MYOM3: variants seen among roughly 807,000 people sequenced by gnomAD.
MYOM3 encodes myomesin-3.
Under a neutral mutation model 191.7 loss-of-function variants are expected in MYOM3, and 155 were observed. That is an observed-to-expected ratio of 0.81 (90% CI 0.71 to 0.92). The LOEUF is 0.92. Ranked by LOEUF, MYOM3 falls within the 40% of genes least tolerant of loss-of-function variation. The pLI is 0.00. For missense variants in MYOM3, 1,889 were observed against 1,890.6 expected, an observed-to-expected ratio of 1.00 and a Z score of 0.02; for synonymous variants, 757 against 762.9, an observed-to-expected ratio of 0.99 and a Z score of 0.13.
Position 24,092,256 on chromosome 1 carries a change from C to T in MYOM3, c.1150G>A (p.Val384Met), listed in dbSNP as rs1448807976. Residue 384 changes from valine (V) to methionine (M), a missense_variant, in exon 11 of 37, where the codon GTG becomes ATG. Coordinates refer to ENST00000374434, the MANE Select transcript of MYOM3 (RefSeq NM_152372.4). ...GTCAGGATGAGGCAGTCTCTGTTCA[C>T]ATCCAGGCATCGGACGTTCAGTGGG... ...GSPLNVRCLD[V>M]NRDCLILTWA... 4 of 1,407,964 alleles carry T rather than the reference C, an allele frequency of 2.8e-6. No individual in the cohort carries two copies. Among genetic ancestry groups the T allele is most frequent in the Non-Finnish European group, 3.7e-6 (4 of 1,071,826 alleles). The allele number at this position is 1,407,964 out of a possible 1,614,324, so 87.2% of individuals were successfully genotyped here.
rs979277269 is a variant in MYOM3 at position 24,090,747 on chromosome 1, G to A, written c.1432+50C>T. On this transcript the variant is annotated intron_variant, in intron 12 of 36. Coordinates refer to ENST00000374434, the MANE Select transcript of MYOM3 (RefSeq NM_152372.4). Reference sequence around the variant, plus strand: ...TGTCTCCTGTGTGAGACAGTCCTGAGGGTTCCCTGACTGATGTTCTAGAAA... The same window carrying A: ...TGTCTCCTGTGTGAGACAGTCCTGAAGGTTCCCTGACTGATGTTCTAGAAA... 3.2e-6 allele frequency: 5 copies of A among 1,585,306 alleles called. No homozygotes were observed. The African/African-American group carries it at 5.4e-5, about 17-fold the overall frequency.
intron 15 of MYOM3, among the ~76,000 whole-genome samples, chr1:24,084,926 A>G (rs1458295457): frequency 7.9e-5 from 12 of 152,202 alleles, no homozygotes; most frequent in Admixed American, 7.2e-4. Context: ...CTCAAAAGTC[A>G]CCAAATCTGA....
rs1468962708 is a variant in MYOM3 at position 24,080,147 on chromosome 1, C to T, written c.2455G>A (p.Val819Met). ...RASEVRATSL[V>M]LQWEPPLYMG... ...TACAGTGGGGGTTCCCACTGCAGCA[C>T]CAGGGATGTGGCCCGCACCTCGGAT... The change falls in exon 20 of 37, where the codon GTG becomes ATG. Residue 819 changes from valine (V) to methionine (M), a missense_variant. Physicochemically the swap from Val to Met is conservative, Grantham distance 21. Coordinates refer to ENST00000374434, the MANE Select transcript of MYOM3 (RefSeq NM_152372.4). 2 of 1,613,708 alleles carry T rather than the reference C, an allele frequency of 1.2e-6. No homozygotes were observed. Among genetic ancestry groups the T allele is most frequent in the Admixed American group, 1.7e-5 (1 of 59,986 alleles).
intron 32 of MYOM3, among the ~76,000 whole-genome samples, chr1:24,062,770 C>T (rs931852400): frequency 6.6e-6 from 1 of 152,220 alleles, no homozygotes; most frequent in African/African-American, 2.4e-5. Flanking sequence ...CCACTTGGCT[C>T]TTCTTTGTCC....
intron 6 of MYOM3, among the ~76,000 whole-genome samples, chr1:24,098,788 G>C (rs1643892114): frequency 6.6e-6 from 1 of 152,216 alleles, no homozygotes; most frequent in Admixed American, 6.5e-5. Context: ...CCCCACTTCT[G>C]AAGGGTAAGA....
intron 29 of MYOM3, among the ~76,000 whole-genome samples, chr1:24,064,965 T>C (rs924177693): frequency 3.9e-5 from 6 of 152,214 alleles, no homozygotes; most frequent in Non-Finnish European, 7.4e-5. Flanking sequence ...TGTCTTTGCA[T>C]TGAAACACTC....
Position 24,057,246 on chromosome 1 carries a change from A to C in MYOM3, c.*118T>G. The C allele has an allele frequency of 2.9e-6, 3 of 1,038,890 alleles. No individual in the cohort carries two copies. The highest frequency in any genetic ancestry group is 2.5e-5 in the East Asian group (1 of 39,452). 64.4% of individuals were successfully genotyped at this position (1,038,890 alleles called of 1,614,324 possible). A position where few individuals can be genotyped will look rare whatever the true frequency, so the allele number is the denominator to read the frequency against. ...CCCCCACCCTCACATCCTGGGTTCT[A>C]TCTTGTCCCCTTTCCTTCTGCCCCA... On this transcript the variant is annotated 3_prime_UTR_variant, in exon 37 of 37. Transcript: ENST00000374434.
At chr1:24,073,603 G>A (rs1643558384) in intron 23 of MYOM3, among the ~76,000 whole-genome samples, 1 of 152,112 alleles carries the variant, frequency 6.6e-6, no homozygotes, top group South Asian at 2.1e-4. Context: ...AGTGGCTCAC[G>A]CCTGTAATCC....
Position 24,057,066 on chromosome 1 carries a change from C to T in MYOM3, c.*298G>A, listed in dbSNP as rs566932144. On this transcript the variant is annotated 3_prime_UTR_variant, in exon 37 of 37. Coordinates refer to ENST00000374434, the MANE Select transcript of MYOM3 (RefSeq NM_152372.4). ...TGGTGGGAGCTGCAGTGTTTAGCAG[C>T]GTACCTGACCTCTACCTATCAGATG... 101 of 409,672 alleles carry T rather than the reference C, an allele frequency of 2.5e-4. No individual in the cohort carries two copies. The highest frequency in any genetic ancestry group is 6.7e-4 in the Middle Eastern group (1 of 1,498). 25.4% of individuals were successfully genotyped at this position (409,672 alleles called of 1,614,324 possible). A position where few individuals can be genotyped will look rare whatever the true frequency, so the allele number is the denominator to read the frequency against.
At position 24,108,476 on chromosome 1, in the gene MYOM3, C is replaced by T; in HGVS notation, c.161G>A (p.Ser54Asn). The change falls in exon 2 of 37, where the codon AGC (serine) becomes AAC (asparagine). Residue 54 changes from serine to asparagine, a missense_variant and splice_region_variant. Coordinates refer to ENST00000374434, the MANE Select transcript of MYOM3 (RefSeq NM_152372.4). Reference sequence around the variant, plus strand: ...TGGGCGGGGACCCTGTGGCTCCCACCTGCTGCGGAAGGTCCGCCTCCGCAC... The same window carrying T: ...TGGGCGGGGACCCTGTGGCTCCCACTTGCTGCGGAAGGTCCGCCTCCGCAC... ...SSVRRRTFRS[S>N]EEEHEFSAAD... is the part of the protein sequence containing the mutation. The T allele has an allele frequency of 6.4e-7, 1 of 1,553,934 alleles. No individual in the cohort carries two copies. Among genetic ancestry groups the T allele is most frequent in the Middle Eastern group, 1.9e-4 (1 of 5,326 alleles).
At chr1:24,095,050 T>A (rs1341923671) in intron 8 of MYOM3, 60 bp from the exon 9 acceptor site, 2 of 1,551,602 alleles carry the variant, frequency 1.3e-6, no homozygotes, top group Non-Finnish European at 1.7e-6. Flanking sequence ...GGCCTGGGAC[T>A]TAGGAGTGAG....
intron 24 of MYOM3, 42 bp downstream of exon 24, chr1:24,071,927 G>C: frequency 1.2e-6 from 2 of 1,606,394 alleles, no homozygotes; most frequent in South Asian, 2.2e-5. Flanking sequence ...AATGGGCCCA[G>C]TGGGAACTGC....
intron 20 of MYOM3, among the ~76,000 whole-genome samples, chr1:24,077,071 C>G (rs535685423): frequency 4.6e-5 from 7 of 152,264 alleles, no homozygotes; most frequent in Non-Finnish European, 7.4e-5. Flanking sequence ...ATCCACCCCC[C>G]CTTGGCCGCC....
Position 24,068,006 on chromosome 1 carries a change from C to T in MYOM3, c.3319G>A (p.Ala1107Thr). The stretch of plus-strand genomic sequence containing the variant: ...TTCCAGTCCCTTCTCTTAGCATCTG[C>T]CTTCCTCAGAAGCTTGTCAAAATCT... Reference protein sequence around the residue: ...DDDFDKLLRKADAKRRDWKRK... With the variant: ...DDDFDKLLRKTDAKRRDWKRK... Residue 1107 changes from alanine (A) to threonine (T), a missense_variant, in exon 27 of 37, where the codon GCA becomes ACA. Ala to Thr is a moderately conservative substitution (Grantham distance 58). Coordinates refer to ENST00000374434, the MANE Select transcript of MYOM3 (RefSeq NM_152372.4). The T allele has an allele frequency of 6.2e-7, 1 of 1,614,202 alleles. No individual in the cohort carries two copies. The highest frequency in any genetic ancestry group is 8.5e-7 in the Non-Finnish European group (1 of 1,180,020).
At chr1:24,090,702 G>C (rs1319535194) in intron 12 of MYOM3, 95 bp downstream of exon 12, 2 of 1,270,684 alleles carry the variant, frequency 1.6e-6, no homozygotes, top group Admixed American at 3.7e-5. Flanking sequence ...CACCAGACTC[G>C]GGGCTCCTGA....
intron 14 of MYOM3, among the ~76,000 whole-genome samples, chr1:24,088,407 G>T (rs1007710582): frequency 1.3e-5 from 2 of 152,166 alleles, no homozygotes; most frequent in African/African-American, 4.8e-5. Context: ...TACAAGCTGT[G>T]TATGATTATT....
intron 35 of MYOM3, 91 bp from the exon 36 acceptor site, chr1:24,059,070 A>G (rs1643337444): frequency 1.2e-6 from 1 of 831,336 alleles, no homozygotes; most frequent in Admixed American, 2.7e-5. Flanking sequence ...TTTTTAAGCA[A>G]GGCTTCTTTT....
At chr1:24,101,610 G>A (rs1643935015) in intron 5 of MYOM3, among the ~76,000 whole-genome samples, 1 of 151,972 alleles carries the variant, frequency 6.6e-6, no homozygotes, top group Non-Finnish European at 1.5e-5. Context: ...TAATTAGCTG[G>A]GTGTGGTGGG....
intron 35 of MYOM3, among the ~76,000 whole-genome samples, chr1:24,059,321 G>T (rs1170759176): frequency 6.6e-6 from 1 of 152,186 alleles, no homozygotes; most frequent in Non-Finnish European, 1.5e-5. Context: ...GTTTTGTAGA[G>T]ACGGGGTTTC....
Sources: gnomAD v4.1 joint callset for allele counts (sites outside exome capture counted in the v4.1 genomes callset) on GRCh38, gnomAD v4.1.1 for gene constraint, MANE v1.5 for transcripts, NCBI Gene and HGNC (gene_info 2026-07-23, HGNC 2026-07-21) for gene names.